Variants in COL15A1 observed in about 807,000 individuals in gnomAD.
COL15A1 encodes the protein collagen alpha-1(XV) chain.
Under a neutral mutation model 165.9 loss-of-function variants are expected in COL15A1, and 111 were observed. The ratio of observed to expected loss-of-function variants is 0.67; its 90% CI spans 0.57 to 0.78. The LOEUF (loss-of-function observed/expected upper bound fraction) is 0.78. Ranked by LOEUF, COL15A1 falls within the 30% of genes least tolerant of loss-of-function variation. The pLI, the probability that COL15A1 is intolerant of heterozygous loss-of-function variation, is 0.00. For synonymous variants in COL15A1, 659 were observed against 674.8 expected, an observed-to-expected ratio of 0.98 and a Z score of 0.36; for missense variants, 1,745 against 1,789.7, an observed-to-expected ratio of 0.98 and a Z score of 0.45.
chr9:99,060,255 TA>T (rs60148156), intron 36 of COL15A1, among the ~76,000 whole-genome samples: 1,739 of 139,492 alleles, frequency 0.012, 29 homozygotes, highest in African/African-American at 0.045. Flanking sequence ...TATATATATA[TA>T]TTTTTTTTTT....
chr9:99,020,240 C>T (rs1839002696), intron 11 of COL15A1, 149 bp from the exon 12 acceptor site: 1 of 644,414 alleles, frequency 1.6e-6, no homozygotes, highest in Non-Finnish European at 2.8e-6. Flanking sequence ...GGCAGCCTCT[C>T]TCTTCATGGG....
At chr9:99,041,830 C>G (rs1010668491) in intron 23 of COL15A1, among the ~76,000 whole-genome samples, 18 of 152,276 alleles carry the variant, frequency 1.2e-4, no homozygotes, top group East Asian at 1.9e-4. Flanking sequence ...AAGTGTGAAG[C>G]CTCAAGGCCT....
chr9:99,052,433 G>A lies in COL15A1; in HGVS notation c.2950G>A (p.Gly984Ser), dbSNP rs374713881. ...GAGTCCAGAGCTCATCACTTTTCAC[G>A]GTATACACTCCCTTCTTCATCATTT... Reference protein sequence around the residue: ...PGSPELITFHGVKGEKGSWGL... With the variant: ...PGSPELITFHSVKGEKGSWGL... The change falls in exon 31 of 42, where the codon GGT becomes AGT. Residue 984 changes from glycine (G) to serine (S), a missense_variant and splice_region_variant. Transcript: ENST00000375001. 20 of 1,601,804 alleles carry A rather than the reference G, an allele frequency of 1.2e-5. No homozygotes were observed. The highest frequency in any genetic ancestry group is 4.0e-5 in the African/African-American group (3 of 74,570).
chr9:99,040,781 A>T (rs902937512), intron 23 of COL15A1: 107 of 703,930 alleles, frequency 1.5e-4, no homozygotes, highest in Non-Finnish European at 1.0e-4. Flanking sequence ...AGCCTCCCAA[A>T]GTGCTGGGAT....
chr9:99,048,075 G>T, intron 28 of COL15A1, 75 bp downstream of exon 28: 1 of 802,762 alleles, frequency 1.2e-6, no homozygotes, highest in South Asian at 1.4e-5. Context: ...ACAGAGCAGG[G>T]CCTGTGGACT....
In COL15A1 at chr9:98,987,304, A is replaced by G. The variant is rs1208505105; in HGVS notation, c.659A>G (p.Gln220Arg). The change falls in exon 4 of 42, where the codon CAG (glutamine) becomes CGG (arginine). Residue 220 changes from glutamine to arginine, a missense_variant. By Grantham distance (43) the Gln-to-Arg change is conservative. Transcript: ENST00000375001. ...GTCTCTTTTCCCCAGGGCTCCCTCCAGCAGCTCACCGTGCACCCCGACCCC... is the reference window on the plus strand; with the variant it reads ...GTCTCTTTTCCCCAGGGCTCCCTCCGGCAGCTCACCGTGCACCCCGACCCC... ...TGLERFTGSL[Q>R]QLTVHPDPRT... The G allele has an allele frequency of 1.9e-6, 3 of 1,613,540 alleles. No individual in the cohort carries two copies. The Admixed American group carries it at 5.0e-5, about 27-fold the overall frequency.
chr9:99,005,289 A>T (rs1251424727), intron 9 of COL15A1, among the ~76,000 whole-genome samples: 1 of 152,054 alleles, frequency 6.6e-6, no homozygotes, highest in Non-Finnish European at 1.5e-5. Context: ...GTTTGTCCCA[A>T]GGCTGCATGC....
At chr9:99,049,781 G>A in intron 29 of COL15A1, 23 bp downstream of exon 29, 1 of 1,614,238 alleles carries the variant, frequency 6.2e-7, no homozygotes, top group Non-Finnish European at 8.5e-7. Context: ...GCAGTGGGAA[G>A]ACCTTCCCGA....
chr9:99,049,623 G>A (rs1157793984), intron 28 of COL15A1, 67 bp from the exon 29 acceptor site: 2 of 1,595,962 alleles, frequency 1.3e-6, no homozygotes, highest in East Asian at 4.5e-5. Context: ...TGGAGGAAGT[G>A]TCCTGTGGCT....
chr9:99,051,282 A>G (rs1173672707), intron 30 of COL15A1, among the ~76,000 whole-genome samples: 1 of 152,206 alleles, frequency 6.6e-6, no homozygotes, highest in East Asian at 1.9e-4. Flanking sequence ...GACCTGCACC[A>G]GGACCTCTCA....
At chr9:98,970,326 C>T (rs1323218262) in intron 2 of COL15A1, among the ~76,000 whole-genome samples, 1 of 152,196 alleles carries the variant, frequency 6.6e-6, no homozygotes, top group Admixed American at 6.5e-5. Context: ...GAATTCAGTG[C>T]TTTGTGAAGC....
At chr9:99,021,595 C>T (rs1839028552) in intron 12 of COL15A1, among the ~76,000 whole-genome samples, 1 of 152,232 alleles carries the variant, frequency 6.6e-6, no homozygotes, top group Non-Finnish European at 1.5e-5. Context: ...GGGCACTAGC[C>T]TTGTGCCAGG....
chr9:99,060,070 G>C lies in COL15A1; in HGVS notation c.3402+117G>C. Reference sequence around the variant, plus strand: ...GGGGATCAGGCCTTCATGATAGTAGGCTTGGTGCAATTCCATAAATAGTAG... The same window carrying C: ...GGGGATCAGGCCTTCATGATAGTAGCCTTGGTGCAATTCCATAAATAGTAG... On this transcript the variant is annotated intron_variant, in intron 36 of 41. Coordinates refer to ENST00000375001, the MANE Select transcript of COL15A1 (RefSeq NM_001855.5). The C allele has an allele frequency of 2.8e-6, 3 of 1,077,104 alleles. 1 individual carries two copies. In the South Asian group the frequency reaches 5.1e-5, roughly 18 times the overall value. 66.7% of individuals were successfully genotyped at this position (1,077,104 alleles called of 1,614,324 possible). A position where few individuals can be genotyped will look rare whatever the true frequency, so the allele number is the denominator to read the frequency against.
intron 4 of COL15A1, among the ~76,000 whole-genome samples, chr9:98,988,282 C>T (rs1838351786): frequency 6.6e-6 from 1 of 152,120 alleles, no homozygotes; most frequent in Admixed American, 6.5e-5. Flanking sequence ...GCCAGTGGTC[C>T]CAGCCTGACA....
At chr9:99,004,491 C>T (rs371377723) in intron 8 of COL15A1, among the ~76,000 whole-genome samples, 1 of 152,182 alleles carries the variant, frequency 6.6e-6, no homozygotes, top group South Asian at 2.1e-4. Flanking sequence ...GAGAGTGGGA[C>T]AGGGAGTGGT....
chr9:98,983,655 C>A (rs1179319254), intron 2 of COL15A1, among the ~76,000 whole-genome samples: 1 of 152,118 alleles, frequency 6.6e-6, no homozygotes. Flanking sequence ...GTGCTGCAGG[C>A]GTGATTATCC....
At chr9:98,952,717 T>C (rs1454583118) in intron 2 of COL15A1, among the ~76,000 whole-genome samples, 1 of 152,248 alleles carries the variant, frequency 6.6e-6, no homozygotes, top group Non-Finnish European at 1.5e-5. Context: ...GCCAGTTCTT[T>C]TCCAAAGTGG....
At chr9:98,998,027 A>G (rs974092431) in intron 6 of COL15A1, among the ~76,000 whole-genome samples, 1 of 152,232 alleles carries the variant, frequency 6.6e-6, no homozygotes, top group Admixed American at 6.5e-5. Context: ...ACCCAGGGAC[A>G]TGCTCGTGGT....
At chr9:99,048,719 A>T (rs1056310499) in intron 28 of COL15A1, among the ~76,000 whole-genome samples, 1 of 112,538 alleles carries the variant, frequency 8.9e-6, no homozygotes, top group Non-Finnish European at 1.7e-5. Flanking sequence ...CAGTCCCCGG[A>T]GTGTGATGTT....
Sources: gnomAD v4.1 joint callset for allele counts (sites outside exome capture counted in the v4.1 genomes callset) on GRCh38, gnomAD v4.1.1 for gene constraint, MANE v1.5 for transcripts, NCBI Gene and HGNC (gene_info 2026-07-23, HGNC 2026-07-21) for gene names.